TBC1D15: variants seen among roughly 807,000 people sequenced by gnomAD.
TBC1D15 encodes GAP for RAB7.
Under a neutral mutation model 95.4 loss-of-function variants are expected in TBC1D15, and 39 were observed. The observed-to-expected ratio is 0.41, with a 90% CI of 0.32 to 0.53. The LOEUF (loss-of-function observed/expected upper bound fraction) is 0.53, where lower values mean the gene tolerates loss of function less well. TBC1D15 is among the 20% of genes least tolerant of loss of function. The pLI, the probability that TBC1D15 is intolerant of heterozygous loss-of-function variation, is 0.29. For synonymous variants in TBC1D15, 258 were observed against 261.3 expected (o/e 0.99, Z 0.12); for missense variants, 733 against 794.3 (o/e 0.92, Z 0.93).
chr12:71,892,737 A>G (rs999454881), intron 5 of TBC1D15, among the ~76,000 whole-genome samples: 1 of 151,720 alleles, frequency 6.6e-6, no homozygotes, highest in Admixed American at 6.6e-5. Flanking sequence ...CATTTTTAAC[A>G]TCTTATATTG....
At position 71,855,263 on chromosome 12, in the gene TBC1D15, C is replaced by T. The variant is rs777708351; in HGVS notation, c.30+15452C>T. Among the ~76,000 whole-genome samples, 7 of 152,072 alleles carry T rather than the reference C, an allele frequency of 4.6e-5. No individual in the cohort carries two copies. The East Asian group carries it at 7.7e-4, about 17-fold the overall frequency. ...ACCTCCCACTGGGTTCCTCCCTCAACGTGGGGTTTACAATTTGAGATGAGA... is the reference window on the plus strand; with the variant it reads ...ACCTCCCACTGGGTTCCTCCCTCAATGTGGGGTTTACAATTTGAGATGAGA... On this transcript the variant is annotated intron_variant, in intron 1 of 16. Transcript: ENST00000485960.
intron 10 of TBC1D15, among the ~76,000 whole-genome samples, chr12:71,905,412 A>G (rs1900449505): frequency 6.6e-6 from 1 of 152,094 alleles, no homozygotes; most frequent in Admixed American, 6.5e-5. Context: ...TGCAGCCTCA[A>G]CTTCCTGGGC....
chr12:71,884,382 C>G (rs1255863874), intron 4 of TBC1D15, among the ~76,000 whole-genome samples: 2 of 152,028 alleles, frequency 1.3e-5, no homozygotes, highest in Non-Finnish European at 2.9e-5. Context: ...GTATTATCTC[C>G]TAATTCTTAT....
At chr12:71,878,099 C>T (rs1197912718) in intron 3 of TBC1D15, among the ~76,000 whole-genome samples, 2 of 152,112 alleles carry the variant, frequency 1.3e-5, no homozygotes, top group East Asian at 3.9e-4. Context: ...TCTGCAGATT[C>T]CTGCCTGGAA....
At chr12:71,905,604 G>A (rs1281058509) in intron 10 of TBC1D15, among the ~76,000 whole-genome samples, 1 of 152,106 alleles carries the variant, frequency 6.6e-6, no homozygotes, top group Non-Finnish European at 1.5e-5. Flanking sequence ...GGGATTATAG[G>A]CATGAGCCAC....
chr12:71,850,629 T>G (rs1170897664), intron 1 of TBC1D15, among the ~76,000 whole-genome samples: 1 of 152,164 alleles, frequency 6.6e-6, no homozygotes, highest in Non-Finnish European at 1.5e-5. Context: ...GAGGCTGGTC[T>G]TGAACTCCTG....
At chr12:71,848,237 T>C (rs970940213) in intron 1 of TBC1D15, among the ~76,000 whole-genome samples, 1 of 152,236 alleles carries the variant, frequency 6.6e-6, no homozygotes, top group South Asian at 2.1e-4. Flanking sequence ...ATATATTAGT[T>C]GTGTGTGTAG....
chr12:71,872,242 G>T, intron 2 of TBC1D15, 74 bp downstream of exon 2: 1 of 868,676 alleles, frequency 1.2e-6, no homozygotes, highest in Non-Finnish European at 1.7e-6. Flanking sequence ...TTATCAGAAA[G>T]TTTGAATTTC....
intron 2 of TBC1D15, among the ~76,000 whole-genome samples, chr12:71,872,437 A>G (rs1296508358): frequency 1.3e-5 from 2 of 152,202 alleles, no homozygotes; most frequent in Non-Finnish European, 2.9e-5. Context: ...TCATAGCTTA[A>G]TTTCCTTAAA....
intron 1 of TBC1D15, among the ~76,000 whole-genome samples, chr12:71,860,001 C>A (rs997812640): frequency 6.6e-6 from 1 of 152,158 alleles, no homozygotes; most frequent in East Asian, 1.9e-4. Context: ...GTTTTCCCAG[C>A]GCCATTTGTA....
At chr12:71,884,784 A>G in intron 4 of TBC1D15, 27 bp from the exon 5 acceptor site, 1 of 1,611,034 alleles carries the variant, frequency 6.2e-7, no homozygotes, top group South Asian at 1.1e-5. Flanking sequence ...GAACAAAAAT[A>G]TTTTGCCCCA....
In TBC1D15 at chr12:71,839,821, G is replaced by A. The variant is rs1429376727; in HGVS notation, c.30+10G>A. 1.5e-5 allele frequency: 25 copies of A among 1,614,000 alleles called. No homozygotes were observed. The Middle Eastern group carries it at 4.9e-4, about 32-fold the overall frequency. ...TGTTGTGAGCGGGAAGGTAGGTAAC[G>A]GCCTCCAGGAAGACCTCGGCTTTTC... On this transcript the variant is annotated intron_variant, in intron 1 of 16. Transcript: ENST00000485960.
intron 1 of TBC1D15, chr12:71,861,344 CT>C: frequency 1.1e-6 from 1 of 899,524 alleles, no homozygotes; most frequent in Non-Finnish European, 1.5e-6. Flanking sequence ...TTGGGCTTTT[CT>C]TTAATGGGAG....
intron 5 of TBC1D15, among the ~76,000 whole-genome samples, chr12:71,892,465 A>G (rs541681284): frequency 5.7e-4 from 87 of 152,148 alleles, no homozygotes; most frequent in African/African-American, 2.0e-3. Flanking sequence ...TGACTAAGTC[A>G]TAAAACTCAC....
intron 1 of TBC1D15, chr12:71,841,191 C>A (rs1173858837): frequency 6.6e-6 from 1 of 152,098 alleles, no homozygotes. Flanking sequence ...TGGGACTTTT[C>A]AAGAGGGGAT....
At position 71,917,679 on chromosome 12, in the gene TBC1D15, CAATT is replaced by C. The variant is rs1462391925; in HGVS notation, c.1402-17_1402-14del. ...AATATTTATTAAATATTACTTGTAA[CAATT>C]ATTTCCTTTTAAAGCATCAGAATTT... is the stretch of plus-strand genomic sequence containing the variant. On this transcript the variant is annotated splice_polypyrimidine_tract_variant and intron_variant, in intron 12 of 16. Coordinates refer to ENST00000485960, the MANE Select transcript of TBC1D15 (RefSeq NM_001146213.3). The C allele has an allele frequency of 1.7e-5, 26 of 1,508,744 alleles. No homozygotes were observed. Among genetic ancestry groups the C allele is most frequent in the Non-Finnish European group, 2.1e-5 (23 of 1,089,872 alleles). 93.5% of individuals were successfully genotyped at this position (1,508,744 alleles called of 1,614,324 possible). A position where few individuals can be genotyped will look rare whatever the true frequency, so the allele number is the denominator to read the frequency against.
chr12:71,894,724 A>G lies in TBC1D15; in HGVS notation c.696A>G (p.Gly232=), dbSNP rs369831922. The change falls in exon 7 of 17, where the codon GGA becomes GGG. Residue 232 remains glycine, a synonymous_variant. Transcript: ENST00000485960. ...ACCCTTATACGGCAACTATGATAGG[A>G]TTTTCCAAAGTCACAAACTACATTT... ...KKDPYTATMI[G]FSKVTNYIFD... 6.4e-5 allele frequency: 104 copies of G among 1,612,970 alleles called. No individual in the cohort carries two copies. Among genetic ancestry groups the G allele is most frequent in the Non-Finnish European group, 8.4e-5 (99 of 1,179,354 alleles).
At chr12:71,908,375 G>A (rs1264914343) in intron 11 of TBC1D15, among the ~76,000 whole-genome samples, 2 of 152,116 alleles carry the variant, frequency 1.3e-5, no homozygotes, top group South Asian at 2.1e-4. Context: ...TGCTATGTGA[G>A]TGGCTTCTAG....
chr12:71,872,886 A>C lies in TBC1D15; in HGVS notation c.130-43A>C, dbSNP rs758161422. ...AGGGAATAAAATAATTAAGAATAAC[A>C]TATTGCTGAATATTAAATATAGTTC... On this transcript the variant is annotated intron_variant, in intron 2 of 16. Coordinates refer to ENST00000485960, the MANE Select transcript of TBC1D15 (RefSeq NM_001146213.3). The C allele has an allele frequency of 7.9e-6, 11 of 1,383,888 alleles. 1 individual carries two copies. In the South Asian group the frequency reaches 1.4e-4, roughly 18 times the overall value. 85.7% of individuals were successfully genotyped at this position (1,383,888 alleles called of 1,614,324 possible). A position where few individuals can be genotyped will look rare whatever the true frequency, so the allele number is the denominator to read the frequency against.
Sources: gnomAD v4.1 joint callset for allele counts (sites outside exome capture counted in the v4.1 genomes callset) on GRCh38, gnomAD v4.1.1 for gene constraint, MANE v1.5 for transcripts, NCBI Gene and HGNC (gene_info 2026-07-23, HGNC 2026-07-21) for gene names.